Variants in ATP5F1B observed in about 807,000 individuals in gnomAD.
ATP5F1B encodes ATP synthase F1 subunit beta.
In ATP5F1B, 17 loss-of-function variants were observed where a neutral mutation model predicts 45.9. That is an observed-to-expected ratio of 0.37 (90% CI 0.25 to 0.56). ATP5F1B has a LOEUF of 0.56. ATP5F1B is among the 20% of genes least tolerant of loss of function. ATP5F1B has a pLI of 0.80. For missense variants in ATP5F1B, 387 were observed against 673.2 expected (o/e 0.57, Z 4.70); for synonymous variants, 218 against 256.5 (o/e 0.85, Z 1.43).
rs1565849145 is a variant in ATP5F1B at position 56,645,820 on chromosome 12, T to C, written c.127+17A>G. ...GGCGGCAAAATGGAACGTTAGCTCC[T>C]AGAGAAAAGCACTTACCAGGATGGA... On this transcript the variant is annotated intron_variant, in intron 1 of 9. Coordinates refer to ENST00000262030, the MANE Select transcript of ATP5F1B (RefSeq NM_001686.4). The C allele has an allele frequency of 6.2e-7, 1 of 1,606,522 alleles. No individual in the cohort carries two copies. Among genetic ancestry groups the C allele is most frequent in the Non-Finnish European group, 8.5e-7 (1 of 1,176,630 alleles).
At chr12:56,640,231 A>AC in intron 7 of ATP5F1B, 39 bp from the exon 8 acceptor site, 1 of 1,367,960 alleles carries the variant, frequency 7.3e-7, no homozygotes, top group Non-Finnish European at 1.0e-6. Context: ...ACCAAAGTAA[A>AC]TTTTTTTTTT....
At chr12:56,645,024 A>T in intron 2 of ATP5F1B, 69 bp from the exon 3 acceptor site, 1 of 1,609,618 alleles carries the variant, frequency 6.2e-7, no homozygotes, top group Non-Finnish European at 8.5e-7. Context: ...ATCGACCAAG[A>T]CTCCTTCTCA....
chr12:56,644,740 C>A, intron 3 of ATP5F1B, 41 bp downstream of exon 3: 2 of 1,568,610 alleles, frequency 1.3e-6, no homozygotes, highest in Non-Finnish European at 8.7e-7. Flanking sequence ...CTGCAAATAA[C>A]AGAAGTTCCT....
chr12:56,643,050 A>G, intron 5 of ATP5F1B: 1 of 566,124 alleles, frequency 1.8e-6, no homozygotes, highest in South Asian at 2.6e-5. Flanking sequence ...ATAAAAACCT[A>G]TTCAAGTTAA....
intron 1 of ATP5F1B, 31 bp downstream of exon 1, chr12:56,645,806 G>A: frequency 6.2e-7 from 1 of 1,601,692 alleles, no homozygotes; most frequent in East Asian, 2.3e-5. Context: ...GCGGCAAAAT[G>A]GAACGTTAGC....
intron 2 of ATP5F1B, 75 bp downstream of exon 2, chr12:56,645,096 A>G (rs763955569): frequency 6.2e-7 from 1 of 1,607,694 alleles, no homozygotes; most frequent in Non-Finnish European, 8.5e-7. Flanking sequence ...AAATCATCAT[A>G]GAAGGCAGAC....
At chr12:56,643,619 G>C in intron 4 of ATP5F1B, 32 bp from the exon 5 acceptor site, 1 of 1,612,224 alleles carries the variant, frequency 6.2e-7, no homozygotes, top group Non-Finnish European at 8.5e-7. Flanking sequence ...GAATATTTAA[G>C]AGTTCTGCTT....
At position 56,644,990 on chromosome 12, in the gene ATP5F1B, G is replaced by A. The variant is rs1175476072; in HGVS notation, c.311-35C>T. 5.6e-6 allele frequency: 9 copies of A among 1,613,930 alleles called. No individual in the cohort carries two copies. In the Admixed American group the frequency reaches 1.5e-4, roughly 27 times the overall value. ...ACAGGCATCGCAGGGTTATACATAA[G>A]GATAAATTGGTATCAAGACCTAAAT... On this transcript the variant is annotated intron_variant, in intron 2 of 9. Coordinates refer to ENST00000262030, the MANE Select transcript of ATP5F1B (RefSeq NM_001686.4).
At chr12:56,638,480 T>C in intron 9 of ATP5F1B, 57 bp from the exon 10 acceptor site, 2 of 1,336,342 alleles carry the variant, frequency 1.5e-6, no homozygotes, top group Non-Finnish European at 2.1e-6. Context: ...ATCAACTTTC[T>C]GCATCATGTA....
At chr12:56,644,494 C>A (rs1461626152) in intron 3 of ATP5F1B, among the ~76,000 whole-genome samples, 2 of 151,906 alleles carry the variant, frequency 1.3e-5, no homozygotes, top group Non-Finnish European at 2.9e-5. Context: ...ACCTGTAATC[C>A]CAGCTACTCA....
chr12:56,645,435 A>G (rs543583781), intron 1 of ATP5F1B, 82 bp from the exon 2 acceptor site: 38 of 1,441,506 alleles, frequency 2.6e-5, no homozygotes, highest in Non-Finnish European at 3.5e-5. Context: ...ACACAAGGAG[A>G]GGAAAACTCA....
chr12:56,642,502 C>A lies in ATP5F1B; in HGVS notation c.1030G>T (p.Glu344Ter). The change falls in exon 7 of 10, where the codon GAA becomes TAA. Residue 344 changes from glutamate to a stop codon, truncating the protein, a stop_gained. Transcript: ENST00000262030. LOFTEE classifies it high-confidence loss of function. ...TLATDMGTMQERITTTKKGSI... is the reference protein window; with the variant it reads ...TLATDMGTMQ ...CCCTTCTTGGTAGTGGTAATTCTTT[C>A]CTGCATAGTACCCATGTCAGTGGCC... is the stretch of plus-strand genomic sequence containing the variant. 1 of 1,614,104 alleles carries A rather than the reference C, an allele frequency of 6.2e-7. No individual in the cohort carries two copies. The highest frequency in any genetic ancestry group is 8.5e-7 in the Non-Finnish European group (1 of 1,180,032).
In ATP5F1B at chr12:56,638,341, A is replaced by G. The variant is rs758859454; in HGVS notation, c.1572T>C (p.Ala524=). The G allele has an allele frequency of 6.2e-7, 1 of 1,614,168 alleles. No homozygotes were observed. The highest frequency in any genetic ancestry group is 1.1e-5 in the South Asian group (1 of 91,088). ...AGACCCCTCACGATGAATGCTCTTC[A>G]GCCAGCTTATCAGCTTTTGCCACAG... The part of the protein sequence containing the change: ...EEAVAKADKL[A]EEHSS Residue 524 remains alanine, a synonymous_variant, in exon 10 of 10, where the codon GCT becomes GCC. Transcript: ENST00000262030.
intron 1 of ATP5F1B, among the ~76,000 whole-genome samples, chr12:56,645,566 G>A (rs753169377): frequency 2.0e-5 from 3 of 152,120 alleles, no homozygotes; most frequent in Non-Finnish European, 4.4e-5. Context: ...CATTTTTCGA[G>A]AGTTCAGTAC....
At position 56,638,326 on chromosome 12, in the gene ATP5F1B, C is replaced by T. The variant is rs376030666; in HGVS notation, c.1587G>A (p.Ser529=). 15 of 1,613,370 alleles carry T rather than the reference C, an allele frequency of 9.3e-6. No individual in the cohort carries two copies. In the African/African-American group the frequency reaches 1.1e-4, roughly 11 times the overall value. ...KADKLAEEHS[S] ...CAGTACAGAGGACAAAGACCCCTCACGATGAATGCTCTTCAGCCAGCTTAT... is the reference window on the plus strand; with the variant it reads ...CAGTACAGAGGACAAAGACCCCTCATGATGAATGCTCTTCAGCCAGCTTAT... The change falls in exon 10 of 10, where the codon TCG becomes TCA. Residue 529 remains serine, a synonymous_variant. Transcript: ENST00000262030.
At position 56,643,457 on chromosome 12, in the gene ATP5F1B, T is replaced by C; in HGVS notation, c.738A>G (p.Leu246=). Residue 246 remains leucine, a synonymous_variant, in exon 5 of 10, where the codon TTA becomes TTG. Coordinates refer to ENST00000262030, the MANE Select transcript of ATP5F1B (RefSeq NM_001686.4). The part of the protein sequence containing the change: ...VGERTREGND[L]YHEMIESGVI... Reference sequence around the variant, plus strand: ...CACCAGATTCAATCATTTCATGGTATAAATCATTGCCTTCACGGGTCCTCT... The same window carrying C: ...CACCAGATTCAATCATTTCATGGTACAAATCATTGCCTTCACGGGTCCTCT... The C allele has an allele frequency of 5.0e-6, 8 of 1,614,146 alleles. No individual in the cohort carries two copies. The highest frequency in any genetic ancestry group is 6.8e-6 in the Non-Finnish European group (8 of 1,180,026).
intron 4 of ATP5F1B, 21 bp downstream of exon 4, chr12:56,643,816 A>G: frequency 6.2e-7 from 1 of 1,614,086 alleles, no homozygotes; most frequent in Non-Finnish European, 8.5e-7. Flanking sequence ...TTTGGAAAAT[A>G]TGTACCCCTT....
At position 56,643,542 on chromosome 12, in the gene ATP5F1B, T is replaced by G; in HGVS notation, c.653A>C (p.Glu218Ala). The change falls in exon 5 of 10, where the codon GAG (glutamate) becomes GCG (alanine). Residue 218 changes from glutamate to alanine, a missense_variant. Physicochemically the swap from Glu to Ala is moderately radical, Grantham distance 107. Transcript: ENST00000262030. ...GGCTTTGGCGACATTGTTGATTAAC[T>G]CCATGATCAGTACAGTCTTGCCAAC... is the stretch of plus-strand genomic sequence containing the variant. The part of the protein sequence containing the change: ...AGVGKTVLIM[E>A]LINNVAKAHG... 6.2e-7 allele frequency: 1 copy of G among 1,614,092 alleles called. No individual in the cohort carries two copies. The highest frequency in any genetic ancestry group is 8.5e-7 in the Non-Finnish European group (1 of 1,180,014).
At chr12:56,645,752 C>G in intron 1 of ATP5F1B, 85 bp downstream of exon 1, 1 of 1,557,820 alleles carries the variant, frequency 6.4e-7, no homozygotes, top group African/African-American at 1.4e-5. Context: ...ACCACGGATC[C>G]CTTAGGCCCG....
Sources: gnomAD v4.1 joint callset for allele counts (sites outside exome capture counted in the v4.1 genomes callset) on GRCh38, gnomAD v4.1.1 for gene constraint, MANE v1.5 for transcripts, NCBI Gene and HGNC (gene_info 2026-07-23, HGNC 2026-07-21) for gene names.